The following RELN variants were observed in gnomAD, a reference collection of about 807,000 sequenced individuals.
RELN encodes reelin.
A neutral mutation model predicts 427.6 loss-of-function variants in RELN; 108 were observed. The observed-to-expected ratio is 0.25, with a 90% CI of 0.22 to 0.30. The LOEUF (loss-of-function observed/expected upper bound fraction) is 0.30. Ranked by LOEUF, RELN falls within the 10% of genes least tolerant of loss-of-function variation. The pLI is 1.00. For synonymous variants in RELN, 1,524 were observed against 1,513.4 expected (o/e 1.01, Z -0.16); for missense variants, 3,715 against 4,302.8 (o/e 0.86, Z 3.82).
At position 103,566,763 on chromosome 7, in the gene RELN, A is replaced by T. The variant is rs780638720; in HGVS notation, c.4589-4T>A. 1.2e-5 allele frequency: 19 copies of T among 1,613,748 alleles called. No individual in the cohort carries two copies. Among genetic ancestry groups the T allele is most frequent in the Admixed American group, 1.7e-5 (1 of 59,996 alleles). ...TTTGAATACTGAACAATAAGCCCTG[A>T]GTTAAAAGACATAAATCCAGTTATT... On this transcript the variant is annotated splice_polypyrimidine_tract_variant and splice_region_variant and intron_variant, in intron 31 of 64. Transcript: ENST00000428762.
rs113429738 is a variant in RELN, at chr7:103,981,765, CAAGAT to C, written c.226+7361_226+7365del. 2.6e-3 allele frequency among the ~76,000 whole-genome samples: 391 copies of C among 152,332 alleles called. 1 individual carries two copies. The highest frequency in any genetic ancestry group is 9.0e-3 in the African/African-American group (374 of 41,574). ...CATGTGGCCATTATCCTCAAGGTCA[CAAGAT>C]GGTTGTATCATCTCCGAGCTAGAAT... On this transcript the variant is annotated intron_variant, in intron 1 of 64. Coordinates refer to ENST00000428762, the MANE Select transcript of RELN (RefSeq NM_005045.4).
intron 10 of RELN, among the ~76,000 whole-genome samples, chr7:103,693,888 A>G (rs1328441411): frequency 6.6e-6 from 1 of 152,108 alleles, no homozygotes; most frequent in Non-Finnish European, 1.5e-5. Context: ...GATTACTGAA[A>G]ACACCTCCTG....
intron 8 of RELN, among the ~76,000 whole-genome samples, chr7:103,713,346 C>T (rs1165772561): frequency 6.6e-6 from 1 of 152,216 alleles, no homozygotes; most frequent in East Asian, 1.9e-4. Context: ...CTACTCAGAA[C>T]TCCCTGCTAC....
At chr7:103,750,986 A>T (rs1325475679) in intron 5 of RELN, among the ~76,000 whole-genome samples, 1 of 152,200 alleles carries the variant, frequency 6.6e-6, no homozygotes, top group Non-Finnish European at 1.5e-5. Flanking sequence ...TGAATAAGTA[A>T]ACTCACTTTC....
intron 3 of RELN, among the ~76,000 whole-genome samples, chr7:103,812,869 C>T (rs567632184): frequency 7.6e-4 from 116 of 152,266 alleles, no homozygotes; most frequent in African/African-American, 2.7e-3. Flanking sequence ...GTCATTACTG[C>T]ACTCTAATTC....
intron 2 of RELN, among the ~76,000 whole-genome samples, chr7:103,903,015 G>C (rs1299702267): frequency 6.6e-6 from 1 of 152,008 alleles, no homozygotes; most frequent in Non-Finnish European, 1.5e-5. Context: ...GTATTTATAA[G>C]TCAATGAGTG....
At chr7:103,706,409 A>G (rs1317557556) in intron 8 of RELN, among the ~76,000 whole-genome samples, 2 of 151,744 alleles carry the variant, frequency 1.3e-5, no homozygotes, top group Non-Finnish European at 2.9e-5. Flanking sequence ...CCAAAAAAAA[A>G]TTTCCAGCAA....
intron 31 of RELN, among the ~76,000 whole-genome samples, chr7:103,568,222 T>C (rs1229995783): frequency 6.6e-6 from 1 of 152,208 alleles, no homozygotes; most frequent in Non-Finnish European, 1.5e-5. Context: ...GTTTCAAAAA[T>C]ATTACAATAA....
chr7:103,911,122 T>C (rs1795354790), intron 2 of RELN, among the ~76,000 whole-genome samples: 1 of 144,718 alleles, frequency 6.9e-6, no homozygotes, highest in African/African-American at 2.7e-5. Flanking sequence ...AGGGCTAGTA[T>C]CCAGAATCTA....
rs1388396842 is a variant in RELN at position 103,474,966 on chromosome 7, CT to C, written c.10287-2059del. ...AACTTTTCCTCAAACACTGGCTTCACTTTGCCCAAAACCATGCAGAATCCTC... is the reference window on the plus strand; with the variant it reads ...AACTTTTCCTCAAACACTGGCTTCACTTGCCCAAAACCATGCAGAATCCTC... On this transcript the variant is annotated intron_variant, in intron 64 of 64. Transcript: ENST00000428762. Among the ~76,000 whole-genome samples, 3 of 152,214 alleles carry C rather than the reference CT, an allele frequency of 2.0e-5. No individual in the cohort carries two copies. The East Asian group carries it at 5.8e-4, about 29-fold the overall frequency.
rs1040775337 is a variant in RELN at position 103,984,314 on chromosome 7, TA to T, written c.226+4816del. 9.9e-5 allele frequency among the ~76,000 whole-genome samples: 15 copies of T among 152,134 alleles called. 1 individual carries two copies. The highest frequency in any genetic ancestry group is 2.2e-4 in the African/African-American group (9 of 41,464). On this transcript the variant is annotated intron_variant, in intron 1 of 64. Coordinates refer to ENST00000428762, the MANE Select transcript of RELN (RefSeq NM_005045.4). ...AATTTACTGGAATAAAACAGTTCTGTAAAAACTATATTCATATTATTACAAC... is the reference window on the plus strand; with the variant it reads ...AATTTACTGGAATAAAACAGTTCTGTAAAACTATATTCATATTATTACAAC...
chr7:103,611,601 C>T lies in RELN; in HGVS notation c.2895+10G>A. On this transcript the variant is annotated intron_variant, in intron 21 of 64. Coordinates refer to ENST00000428762, the MANE Select transcript of RELN (RefSeq NM_005045.4). ...TTACCTGTTACAAGGTTTAAGGAAACTAGACTTACTTCTTGGACGAGGTGC... is the reference window on the plus strand; with the variant it reads ...TTACCTGTTACAAGGTTTAAGGAAATTAGACTTACTTCTTGGACGAGGTGC... 1 of 1,608,302 alleles carries T rather than the reference C, an allele frequency of 6.2e-7. No individual in the cohort carries two copies. Among genetic ancestry groups the T allele is most frequent in the Non-Finnish European group, 8.5e-7 (1 of 1,177,084 alleles).
chr7:103,947,787 C>A (rs1364810156), intron 1 of RELN, among the ~76,000 whole-genome samples: 1 of 152,134 alleles, frequency 6.6e-6, no homozygotes, highest in Non-Finnish European at 1.5e-5. Context: ...GACTCTAGTG[C>A]ATATGTAAAT....
At chr7:103,920,573 T>TG (rs1795592675) in intron 1 of RELN, among the ~76,000 whole-genome samples, 1 of 113,582 alleles carries the variant, frequency 8.8e-6, no homozygotes, top group African/African-American at 4.2e-5. Context: ...TTTGGTTTTT[T>TG]TTTTTGTTTT....
intron 49 of RELN, among the ~76,000 whole-genome samples, chr7:103,517,123 G>A (rs190257694): frequency 6.9e-4 from 104 of 151,464 alleles, no homozygotes; most frequent in African/African-American, 2.4e-3. Context: ...AGTCTTTTCC[G>A]AAGTCTATTT....
chr7:103,896,240 G>A (rs1006735243), intron 2 of RELN, among the ~76,000 whole-genome samples: 11 of 151,974 alleles, frequency 7.2e-5, no homozygotes, highest in African/African-American at 2.4e-4. Flanking sequence ...GTGTTAAAAG[G>A]TACACCATTT....
At chr7:103,477,194 A>G (rs1340943333) in intron 64 of RELN, among the ~76,000 whole-genome samples, 1 of 152,228 alleles carries the variant, frequency 6.6e-6, no homozygotes, top group Non-Finnish European at 1.5e-5. Flanking sequence ...TCTGCATAGG[A>G]AATATGGCCA....
intron 1 of RELN, among the ~76,000 whole-genome samples, chr7:103,947,439 T>C (rs943939485): frequency 6.6e-6 from 1 of 152,054 alleles, no homozygotes. Flanking sequence ...AAAAGACAAA[T>C]GTTAGATCTA....
At chr7:103,529,142 A>C (rs1363012124) in intron 46 of RELN, among the ~76,000 whole-genome samples, 8 of 152,042 alleles carry the variant, frequency 5.3e-5, no homozygotes, top group South Asian at 2.1e-4. Flanking sequence ...CTCAAAAAAA[A>C]AAAAAGTCCT....
Sources: allele counts gnomAD v4.1 joint callset (sites outside exome capture counted in the v4.1 genomes callset), GRCh38; gene constraint gnomAD v4.1.1; transcripts MANE v1.5; gene names NCBI Gene and HGNC (gene_info 2026-07-23, HGNC 2026-07-21).